Variants in UBR4 observed in about 807,000 individuals in gnomAD.
UBR4 encodes the protein ubiquitin protein ligase E3 component n-recognin 4, also known as E3 ubiquitin-protein ligase UBR4.
Under a neutral mutation model 575.6 loss-of-function variants are expected in UBR4, and 124 were observed. The ratio of observed to expected loss-of-function variants is 0.22; its 90% CI spans 0.19 to 0.25. UBR4 has a LOEUF of 0.25. Ranked by LOEUF, UBR4 falls within the 10% of genes least tolerant of loss-of-function variation. UBR4 has a pLI of 1.00. For missense variants in UBR4, 4,818 were observed against 6,478.8 expected (o/e 0.74, Z 8.80); for synonymous variants, 2,455 against 2,473.7 (o/e 0.99, Z 0.22).
At chr1:19,141,924 T>C in intron 55 of UBR4, 147 bp from the exon 56 acceptor site, 1 of 1,149,838 alleles carries the variant, frequency 8.7e-7, no homozygotes, top group Non-Finnish European at 1.2e-6. Flanking sequence ...GTGCTATGCC[T>C]GGCCTTGTTC....
intron 78 of UBR4, chr1:19,112,213 G>A (rs2079969400): frequency 6.2e-6 from 2 of 324,992 alleles, no homozygotes; most frequent in Non-Finnish European, 1.1e-5. Context: ...CTTCTTTCAT[G>A]TGAGTCTTTC....
At chr1:19,136,764 G>A (rs2083244165) in intron 60 of UBR4, among the ~76,000 whole-genome samples, 1 of 152,096 alleles carries the variant, frequency 6.6e-6, no homozygotes, top group African/African-American at 2.4e-5. Flanking sequence ...CAAATTAACT[G>A]AACATAAGGG....
intron 2 of UBR4, among the ~76,000 whole-genome samples, chr1:19,200,648 A>T (rs1571809149): frequency 6.6e-6 from 1 of 152,154 alleles, no homozygotes; most frequent in East Asian, 1.9e-4. Context: ...ATGGATAAAA[A>T]TTTTAAGTAT....
chr1:19,173,771 A>C, intron 22 of UBR4, 150 bp from the exon 23 acceptor site: 1 of 728,296 alleles, frequency 1.4e-6, no homozygotes. Context: ...TCCATTCTCC[A>C]GATCTTTCTA....
chr1:19,103,505 C>T (rs1450944412), intron 87 of UBR4, among the ~76,000 whole-genome samples: 2 of 152,068 alleles, frequency 1.3e-5, no homozygotes, highest in African/African-American at 2.4e-5. Context: ...GCAGAGGTTG[C>T]GGTGAGCCAA....
At chr1:19,167,280 A>T (rs752863078) in intron 28 of UBR4, 49 bp from the exon 29 acceptor site, 2 of 1,602,720 alleles carry the variant, frequency 1.2e-6, no homozygotes, top group African/African-American at 1.3e-5. Flanking sequence ...TCCTCCAAAA[A>T]GCTGCAAAGC....
chr1:19,172,819 G>A, intron 25 of UBR4, 45 bp downstream of exon 25: 3 of 1,549,896 alleles, frequency 1.9e-6, no homozygotes, highest in Non-Finnish European at 8.9e-7. Flanking sequence ...GATCTGCACG[G>A]AGTGAAGAGT....
rs539999527 is a variant in UBR4 at position 19,154,979 on chromosome 1, C to T, written c.6397G>A (p.Ala2133Thr). ...AGGGTTGTCCTGCTGATGGTGGCTGCGAATGATTTGCCTTGACAATAGCTG... is the reference window on the plus strand; with the variant it reads ...AGGGTTGTCCTGCTGATGGTGGCTGTGAATGATTTGCCTTGACAATAGCTG... ...FFSYCQGKSF[A>T]ATISRTTLEV... is the part of the protein sequence containing the mutation. The change falls in exon 44 of 106, where the codon GCA becomes ACA. Residue 2133 changes from alanine (A) to threonine (T), a missense_variant. Around this residue, in one of 29 missense-constraint regions of UBR4, gnomAD observed 461 missense variants for 606.9 expected, o/e 0.76. Transcript: ENST00000375254. 8.1e-6 allele frequency: 13 copies of T among 1,614,114 alleles called. No homozygotes were observed. The Admixed American group carries it at 8.3e-5, about 10-fold the overall frequency.
intron 55 of UBR4, among the ~76,000 whole-genome samples, chr1:19,141,989 G>GC (rs1414210430): frequency 1.3e-5 from 2 of 152,254 alleles, no homozygotes; most frequent in East Asian, 1.9e-4. Flanking sequence ...GCGACAGCTT[G>GC]CCCCCCACAA....
At chr1:19,172,806 C>T (rs1002188592) in intron 25 of UBR4, 58 bp downstream of exon 25, 20 of 1,524,070 alleles carry the variant, frequency 1.3e-5, no homozygotes, top group Admixed American at 5.1e-5. Flanking sequence ...TGAGTCAATG[C>T]GGGATCTGCA....
chr1:19,153,533 T>C lies in UBR4; in HGVS notation c.6631-31A>G. On this transcript the variant is annotated intron_variant, in intron 45 of 105. Transcript: ENST00000375254. This position sits in a 1 kb window ranked among gnomAD's most constrained non-coding sequence, Gnocchi z 4.1. ...AGGAGAGGACAAAGGAGGGTCTTCG[T>C]TCCCACACCCACAGATCAGCATCCT... 6.2e-7 allele frequency: 1 copy of C among 1,610,706 alleles called. No individual in the cohort carries two copies. Among genetic ancestry groups the C allele is most frequent in the Non-Finnish European group, 8.5e-7 (1 of 1,178,094 alleles).
rs200691764 is a variant in UBR4 at position 19,121,464 on chromosome 1, C to G, written c.9896-30G>C. 9.3e-5 allele frequency: 148 copies of G among 1,598,438 alleles called. No individual in the cohort carries two copies. The East Asian group carries it at 3.3e-3, about 35-fold the overall frequency. On this transcript the variant is annotated intron_variant, in intron 67 of 105. Coordinates refer to ENST00000375254, the MANE Select transcript of UBR4 (RefSeq NM_020765.3). ...AAGCAGAGGAGACAGAGGCTCACCTCTGAGACGACCTCAACCAGACTCAGG... is the reference window on the plus strand; with the variant it reads ...AAGCAGAGGAGACAGAGGCTCACCTGTGAGACGACCTCAACCAGACTCAGG...
At chr1:19,198,148 C>A in intron 5 of UBR4, 99 bp from the exon 6 acceptor site, 1 of 1,190,974 alleles carries the variant, frequency 8.4e-7, no homozygotes, top group Non-Finnish European at 1.2e-6. Flanking sequence ...CCAGACTCCC[C>A]AGTTAGTGAA....
In UBR4 at chr1:19,144,717, C is replaced by A. The variant is rs1258384582; in HGVS notation, c.8067+69G>T. On this transcript the variant is annotated intron_variant, in intron 54 of 105. Transcript: ENST00000375254. ...AATATATTTTATTTCATTAGCTTAGCAAGCTAAAAACAATTTTCCAGATAT... is the reference window on the plus strand; with the variant it reads ...AATATATTTTATTTCATTAGCTTAGAAAGCTAAAAACAATTTTCCAGATAT... 9 of 1,555,474 alleles carry A rather than the reference C, an allele frequency of 5.8e-6. No homozygotes were observed. The Admixed American group carries it at 1.2e-4, about 20-fold the overall frequency.
intron 7 of UBR4, 91 bp from the exon 8 acceptor site, chr1:19,197,356 C>G: frequency 6.5e-7 from 1 of 1,544,130 alleles, no homozygotes; most frequent in Non-Finnish European, 8.8e-7. Context: ...GGGCCCGGCA[C>G]AGTGGCTCAC....
chr1:19,175,817 G>A (rs76700010), intron 20 of UBR4, among the ~76,000 whole-genome samples: 1,702 of 152,024 alleles, frequency 0.011, 30 homozygotes, highest in East Asian at 0.068. Flanking sequence ...TTTTGAGACA[G>A]GGGTCTCACT....
Position 19,115,613 on chromosome 1 carries a change from C to T in UBR4, c.10848G>A (p.Lys3616=), listed in dbSNP as rs773210758. The T allele has an allele frequency of 5.6e-6, 9 of 1,614,188 alleles. No individual in the cohort carries two copies. In the East Asian group the frequency reaches 1.6e-4, roughly 28 times the overall value. ...KNKPARWHKA[K]KVQLTPGQTE... ...TCTGTCCAGGGGTCAGCTGAACCTTCTTGGCTTTGTGCCAGCGAGCTGGCC... is the reference window on the plus strand; with the variant it reads ...TCTGTCCAGGGGTCAGCTGAACCTTTTTGGCTTTGTGCCAGCGAGCTGGCC... Residue 3616 remains lysine (K), a synonymous_variant, in exon 74 of 106, where the codon AAG becomes AAA. Coordinates refer to ENST00000375254, the MANE Select transcript of UBR4 (RefSeq NM_020765.3).
At chr1:19,077,767 C>T (rs554111610) in intron 104 of UBR4, 1 of 1,494,930 alleles carries the variant, frequency 6.7e-7, no homozygotes, top group African/African-American at 1.4e-5. Context: ...CAAACAAAAC[C>T]AAACAAAACA....
chr1:19,132,581 C>A (rs142746400), intron 60 of UBR4, among the ~76,000 whole-genome samples: 6 of 11,796 alleles, frequency 5.1e-4, no homozygotes, highest in South Asian at 2.0e-3. Flanking sequence ...AGAACAATAA[C>A]AACAAAAAAA....
Sources: gnomAD v4.1 joint callset for allele counts (sites outside exome capture counted in the v4.1 genomes callset) on GRCh38, gnomAD v4.1.1 for gene constraint, gnomAD v4.1.1 regional missense constraint, Gnocchi (gnomAD v3.1) non-coding constraint, MANE v1.5 for transcripts, NCBI Gene and HGNC (gene_info 2026-07-23, HGNC 2026-07-21) for gene names.